ARHGEF7: variants seen among roughly 807,000 people sequenced by gnomAD.
ARHGEF7 encodes Rho guanine nucleotide exchange factor 7, also known as PAK-interacting exchange factor beta.
A neutral mutation model predicts 109.8 loss-of-function variants in ARHGEF7; 33 were observed. The observed-to-expected ratio is 0.30, with a 90% CI of 0.23 to 0.40. The LOEUF (loss-of-function observed/expected upper bound fraction) is 0.40, where lower values mean the gene tolerates loss of function less well. ARHGEF7 is among the 10% of genes least tolerant of loss of function. The pLI, the probability that ARHGEF7 is intolerant of heterozygous loss-of-function variation, is 1.00. For synonymous variants in ARHGEF7, 458 were observed against 424.6 expected (o/e 1.08, Z -0.97); for missense variants, 938 against 1,098.5 (o/e 0.85, Z 2.07).
chr13:111,159,755 G>T (rs888650958), intron 2 of ARHGEF7, among the ~76,000 whole-genome samples: 4 of 151,888 alleles, frequency 2.6e-5, no homozygotes, highest in Non-Finnish European at 2.9e-5. Context: ...AATATATTTT[G>T]GATATTAGCT....
intron 8 of ARHGEF7, among the ~76,000 whole-genome samples, chr13:111,260,719 C>T (rs1449868767): frequency 6.6e-6 from 1 of 152,152 alleles, no homozygotes; most frequent in East Asian, 1.9e-4. Context: ...AATAGTATAA[C>T]ACTATGTGTA....
At chr13:111,281,776 C>G (rs535276426) in intron 15 of ARHGEF7, among the ~76,000 whole-genome samples, 1 of 152,296 alleles carries the variant, frequency 6.6e-6, no homozygotes, top group African/African-American at 2.4e-5. Flanking sequence ...TGGCCAGACC[C>G]TCCGTCTTAG....
chr13:111,253,937 C>T (rs538434686), intron 8 of ARHGEF7, among the ~76,000 whole-genome samples: 5 of 152,360 alleles, frequency 3.3e-5, no homozygotes, highest in African/African-American at 1.2e-4. Context: ...GCCTTTTCCT[C>T]ATGGAGTTTC....
intron 2 of ARHGEF7, among the ~76,000 whole-genome samples, chr13:111,157,585 T>A (rs2076438346): frequency 6.6e-6 from 1 of 150,496 alleles, no homozygotes; most frequent in Non-Finnish European, 1.5e-5. Flanking sequence ...AAAAAAAAAA[T>A]GATGATGATG....
chr13:111,243,434 C>T (rs1939593522), intron 6 of ARHGEF7, among the ~76,000 whole-genome samples: 1 of 152,206 alleles, frequency 6.6e-6, no homozygotes, highest in Non-Finnish European at 1.5e-5. Context: ...TCTCTGATTT[C>T]TGTCACCATA....
chr13:111,265,427 T>C, intron 8 of ARHGEF7: 8 of 365,522 alleles, frequency 2.2e-5, no homozygotes, highest in South Asian at 1.4e-4. Context: ...GTTTTGAACA[T>C]GAGGTTTTTC....
upstream of ARHGEF7, chr13:111,115,233 C>T: frequency 6.8e-6 from 1 of 147,228 alleles, no homozygotes; most frequent in Non-Finnish European, 1.5e-5. Context: ...GCCGGGCGGA[C>T]GGCCGCGTCT....
intron 1 of ARHGEF7, among the ~76,000 whole-genome samples, chr13:111,152,925 TCA>T (rs757134347): frequency 1.8e-4 from 28 of 152,250 alleles, no homozygotes; most frequent in Non-Finnish European, 3.7e-4. Context: ...CTGGTGGCCC[TCA>T]CAATTCTACC....
chr13:111,121,078 C>T (rs903015098), intron 1 of ARHGEF7, among the ~76,000 whole-genome samples: 10 of 152,142 alleles, frequency 6.6e-5, no homozygotes, highest in Non-Finnish European at 1.0e-4. Flanking sequence ...GGGGCTGGCT[C>T]AGGTCACCGG....
chr13:111,211,693 A>C (rs550171486), intron 4 of ARHGEF7, among the ~76,000 whole-genome samples: 9 of 152,272 alleles, frequency 5.9e-5, no homozygotes, highest in Admixed American at 4.6e-4. Context: ...CTTTACCCTT[A>C]GGTTTTTCTG....
intron 2 of ARHGEF7, among the ~76,000 whole-genome samples, chr13:111,174,920 G>C (rs74126726): frequency 2.7e-3 from 404 of 152,300 alleles, no homozygotes; most frequent in African/African-American, 9.0e-3. Flanking sequence ...TGTGCGTGTC[G>C]GGTGAAACCT....
chr13:111,303,412 G>C lies in ARHGEF7; in HGVS notation c.*299G>C, dbSNP rs1267255089. ...ACTGACTAAAAGTCTTGTTTTTCCA[G>C]ACTTTGAATTGAATATATAAATATT... On this transcript the variant is annotated 3_prime_UTR_variant, in exon 22 of 22. Coordinates refer to ENST00000646102, the MANE Select transcript of ARHGEF7 (RefSeq NM_001354046.2). The C allele has an allele frequency of 9.6e-6, 2 of 207,492 alleles. No homozygotes were observed. Among genetic ancestry groups the C allele is most frequent in the African/African-American group, 4.6e-5 (2 of 43,566 alleles). The allele number at this position is 207,492 out of a possible 1,614,324, so 12.9% of individuals were successfully genotyped here.
In ARHGEF7 at chr13:111,167,676, G is replaced by A. The variant is rs184996350; in HGVS notation, c.252+13685G>A. Among the ~76,000 whole-genome samples, 28 of 152,326 alleles carry A rather than the reference G, an allele frequency of 1.8e-4. No homozygotes were observed. In the East Asian group the frequency reaches 4.4e-3, roughly 24 times the overall value. On this transcript the variant is annotated intron_variant, in intron 2 of 21. Transcript: ENST00000646102. The stretch of plus-strand genomic sequence containing the variant: ...AGCAAACAGAGTGTTACAGGCACAC[G>A]TAAAGGGAAATGTCCACTCTTCTCT...
chr13:111,265,544 T>G, intron 8 of ARHGEF7: 1 of 456,690 alleles, frequency 2.2e-6, no homozygotes, highest in Non-Finnish European at 4.4e-6. Context: ...ACCCAGAGAC[T>G]GCATGGAGGT....
intron 1 of ARHGEF7, among the ~76,000 whole-genome samples, chr13:111,124,108 C>T (rs375697228): frequency 6.6e-6 from 1 of 152,156 alleles, no homozygotes; most frequent in African/African-American, 2.4e-5. Flanking sequence ...TTCAGTCAGT[C>T]CCTTCCTGTT....
chr13:111,242,378 T>C (rs759535395), intron 6 of ARHGEF7, among the ~76,000 whole-genome samples: 40 of 152,206 alleles, frequency 2.6e-4, no homozygotes, highest in Non-Finnish European at 5.1e-4. Flanking sequence ...ACTTGATGAC[T>C]TTTTTCTTAA....
chr13:111,255,647 C>T lies in ARHGEF7; in HGVS notation c.950+11353C>T, dbSNP rs2090336327. 1.3e-5 allele frequency among the ~76,000 whole-genome samples: 2 copies of T among 152,232 alleles called. No individual in the cohort carries two copies. Among genetic ancestry groups the T allele is most frequent in the South Asian group, 4.1e-4 (2 of 4,822 alleles). The stretch of plus-strand genomic sequence containing the variant: ...CTGGCTTTGGAGGGCCCTGAGTGAG[C>T]TGGCTGGTGTTCGTGAAAGAAGATC... On this transcript the variant is annotated intron_variant, in intron 8 of 21. Coordinates refer to ENST00000646102, the MANE Select transcript of ARHGEF7 (RefSeq NM_001354046.2). This position sits in a 1 kb window ranked among gnomAD's most constrained non-coding sequence, Gnocchi z 4.1.
chr13:111,233,774 G>A (rs918376658), intron 6 of ARHGEF7, among the ~76,000 whole-genome samples: 1 of 152,106 alleles, frequency 6.6e-6, no homozygotes, highest in Non-Finnish European at 1.5e-5. Context: ...ATGTCTAAAC[G>A]CTATACGTGT....
chr13:111,215,162 T>C (rs61967967), intron 4 of ARHGEF7, among the ~76,000 whole-genome samples: 2,270 of 152,272 alleles, frequency 0.015, 28 homozygotes, highest in Non-Finnish European at 0.021. Context: ...GTCATAATCA[T>C]ATCAGAGTAA....
Sources: allele counts gnomAD v4.1 joint callset (sites outside exome capture counted in the v4.1 genomes callset), GRCh38; gene constraint gnomAD v4.1.1; non-coding constraint Gnocchi (gnomAD v3.1); transcripts MANE v1.5; gene names NCBI Gene and HGNC (gene_info 2026-07-23, HGNC 2026-07-21).